SLIT3: variants seen among roughly 807,000 people sequenced by gnomAD.
SLIT3 encodes slit guidance ligand 3.
SLIT3 carries 68 observed loss-of-function variants against 184.0 expected under a neutral mutation model. That is an observed-to-expected ratio of 0.37 (90% CI 0.30 to 0.45). The LOEUF is 0.45. Ranked by LOEUF, SLIT3 falls within the 20% of genes least tolerant of loss-of-function variation. The pLI is 1.00. For synonymous variants in SLIT3, 831 were observed against 828.6 expected (o/e 1.00, Z -0.05); for missense variants, 1,707 against 2,026.0 (o/e 0.84, Z 3.02).
intron 4 of SLIT3, among the ~76,000 whole-genome samples, chr5:169,096,485 G>A (rs1370059767): frequency 6.6e-6 from 1 of 152,212 alleles, no homozygotes; most frequent in Admixed American, 6.5e-5. Flanking sequence ...CTCTGCCCTT[G>A]TGCCTGAAAA....
rs1383918720 is a variant in SLIT3, at chr5:168,906,413, AT to A, written c.414-23078del. Among the ~76,000 whole-genome samples, 8 of 152,330 alleles carry A rather than the reference AT, an allele frequency of 5.3e-5. No homozygotes were observed. The East Asian group carries it at 1.2e-3, about 22-fold the overall frequency. The stretch of plus-strand genomic sequence containing the variant: ...TGGTGATTCATACATGGGAAACATT[AT>A]TGCTCTGGAAAAGAGTTTAAAATAA... On this transcript the variant is annotated intron_variant, in intron 4 of 35. Coordinates refer to ENST00000519560, the MANE Select transcript of SLIT3 (RefSeq NM_003062.4).
At chr5:169,108,542 G>A (rs1305934710) in intron 4 of SLIT3, among the ~76,000 whole-genome samples, 3 of 152,192 alleles carry the variant, frequency 2.0e-5, no homozygotes, top group African/African-American at 7.2e-5. Context: ...TTGTAAGGGT[G>A]AACCATGGCA....
chr5:168,721,684 C>G (rs1275753797), intron 23 of SLIT3, among the ~76,000 whole-genome samples: 1 of 152,150 alleles, frequency 6.6e-6, no homozygotes, highest in Non-Finnish European at 1.5e-5. Context: ...TGGAAGAAAT[C>G]TGATATTTAA....
At chr5:168,939,826 C>A (rs1449372911) in intron 4 of SLIT3, among the ~76,000 whole-genome samples, 1 of 152,212 alleles carries the variant, frequency 6.6e-6, no homozygotes, top group Admixed American at 6.5e-5. Flanking sequence ...CAGTGGCTAT[C>A]ATGTTATTGA....
chr5:169,083,669 G>A (rs563809239), intron 4 of SLIT3, among the ~76,000 whole-genome samples: 2 of 152,272 alleles, frequency 1.3e-5, no homozygotes, highest in South Asian at 2.1e-4. Flanking sequence ...GACCAAACAC[G>A]GTCAGGGCTG....
chr5:169,050,784 T>C (rs1000912175), intron 4 of SLIT3, among the ~76,000 whole-genome samples: 4 of 152,076 alleles, frequency 2.6e-5, no homozygotes, highest in East Asian at 1.9e-4. Flanking sequence ...AGAATACACA[T>C]GGAAAGACGC....
At chr5:169,153,390 C>A (rs1207768111) in intron 4 of SLIT3, among the ~76,000 whole-genome samples, 2 of 152,246 alleles carry the variant, frequency 1.3e-5, no homozygotes, top group African/African-American at 2.4e-5. Flanking sequence ...GCATATTGGG[C>A]AGCTTTCAGG....
rs35305517 is a variant in SLIT3 at position 168,685,922 on chromosome 5, G to T, written c.3320C>A (p.Pro1107His). ...TCTCPQGFSG[P>H]FCEHPPPMVL... Reference sequence around the variant, plus strand: ...CATGGGTGGGGGGTGTTCACAGAAGGGTCCACTGGAAGGCAGGAGAGAATG... The same window carrying T: ...CATGGGTGGGGGGTGTTCACAGAAGTGTCCACTGGAAGGCAGGAGAGAATG... Residue 1107 changes from proline (P) to histidine (H), a missense_variant, in exon 31 of 36, where the codon CCC becomes CAC. Coordinates refer to ENST00000519560, the MANE Select transcript of SLIT3 (RefSeq NM_003062.4). 6.2e-7 allele frequency: 1 copy of T among 1,608,156 alleles called. No homozygotes were observed. The highest frequency in any genetic ancestry group is 1.1e-5 in the South Asian group (1 of 90,374).
intron 1 of SLIT3, among the ~76,000 whole-genome samples, chr5:169,278,399 C>G (rs1053817857): frequency 6.6e-6 from 1 of 152,226 alleles, no homozygotes; most frequent in Admixed American, 6.5e-5. Context: ...GCCTGAATTA[C>G]AGTTCTGCCT....
At position 168,764,233 on chromosome 5, in the gene SLIT3, T is replaced by C. The variant is rs533282644; in HGVS notation, c.1460-1544A>G. ...TGGCAGCTCAGAGGCTGTGAAAATA[T>C]GAATGTAGCTAGCAGTAACAGTGGC... is the stretch of plus-strand genomic sequence containing the variant. On this transcript the variant is annotated intron_variant, in intron 14 of 35. Transcript: ENST00000519560. Among the ~76,000 whole-genome samples the C allele has an allele frequency of 1.1e-4, 17 of 152,348 alleles. No individual in the cohort carries two copies. The East Asian group carries it at 3.3e-3, about 29-fold the overall frequency.
At chr5:169,078,487 A>G (rs1034468475) in intron 4 of SLIT3, among the ~76,000 whole-genome samples, 8 of 152,178 alleles carry the variant, frequency 5.3e-5, no homozygotes, top group Non-Finnish European at 1.0e-4. Flanking sequence ...CAGAAATCAC[A>G]GACCCGGTGG....
intron 10 of SLIT3, among the ~76,000 whole-genome samples, chr5:168,793,701 A>T (rs907420857): frequency 2.6e-5 from 4 of 152,126 alleles, no homozygotes; most frequent in African/African-American, 9.7e-5. Context: ...AATAACTTAA[A>T]TCATGTAGGA....
chr5:169,186,282 G>A (rs1325131924), intron 4 of SLIT3, among the ~76,000 whole-genome samples: 4 of 152,116 alleles, frequency 2.6e-5, no homozygotes, highest in Admixed American at 2.6e-4. Flanking sequence ...GAGACACCAG[G>A]GTTATGCTAC....
At chr5:168,936,534 C>A (rs1321924854) in intron 4 of SLIT3, among the ~76,000 whole-genome samples, 1 of 152,246 alleles carries the variant, frequency 6.6e-6, no homozygotes. Context: ...CGCCTGGTAG[C>A]TTTTCCTCTT....
At chr5:168,865,426 A>AC (rs1420535153) in intron 5 of SLIT3, among the ~76,000 whole-genome samples, 2 of 152,244 alleles carry the variant, frequency 1.3e-5, no homozygotes, top group Admixed American at 6.5e-5. Flanking sequence ...CACATTACTG[A>AC]CAATACAACA....
chr5:168,810,056 T>A lies in SLIT3; in HGVS notation c.794-3469A>T, dbSNP rs114785161. ...GCACAAGCCAGGGTGTCCTAAGCAG[T>A]CTACTGAGCTCTGTCAGCAAATCCA... is the stretch of plus-strand genomic sequence containing the variant. On this transcript the variant is annotated intron_variant, in intron 8 of 35. Transcript: ENST00000519560. Among the ~76,000 whole-genome samples, 934 of 152,268 alleles carry A rather than the reference T, an allele frequency of 6.1e-3. 12 individuals are homozygous for A. The highest frequency in any genetic ancestry group is 0.021 in the African/African-American group (886 of 41,532).
chr5:168,822,847 C>A (rs1451858628), intron 7 of SLIT3, among the ~76,000 whole-genome samples: 1 of 152,178 alleles, frequency 6.6e-6, no homozygotes, highest in Non-Finnish European at 1.5e-5. Flanking sequence ...AAAACCATTG[C>A]AACCACTGGC....
At chr5:168,923,854 C>T (rs1761720438) in intron 4 of SLIT3, among the ~76,000 whole-genome samples, 3 of 152,228 alleles carry the variant, frequency 2.0e-5, no homozygotes, top group Admixed American at 6.5e-5. Context: ...TTAGACTAAG[C>T]CAGGCATTGG....
intron 4 of SLIT3, among the ~76,000 whole-genome samples, chr5:169,041,706 T>C (rs1476305072): frequency 1.3e-5 from 2 of 152,210 alleles, no homozygotes; most frequent in Non-Finnish European, 2.9e-5. Context: ...GCTACAAATA[T>C]ATATTATAGG....
Sources: gnomAD v4.1 joint callset for allele counts (sites outside exome capture counted in the v4.1 genomes callset) on GRCh38, gnomAD v4.1.1 for gene constraint, MANE v1.5 for transcripts, NCBI Gene and HGNC (gene_info 2026-07-23, HGNC 2026-07-21) for gene names.